Variants in CRISPLD1 observed in about 807,000 individuals in gnomAD.
CRISPLD1 encodes cysteine-rich secretory protein LCCL domain-containing 1.
Under a neutral mutation model 77.5 loss-of-function variants are expected in CRISPLD1, and 60 were observed. The observed-to-expected ratio is 0.77, with a 90% CI of 0.63 to 0.96. The LOEUF is 0.96. CRISPLD1 is among the 40% of genes least tolerant of loss of function. The probability of loss-of-function intolerance (pLI) is 0.00; values close to 1 mark genes in which losing one functional copy is unlikely to be tolerated. For missense variants in CRISPLD1, 623 were observed against 615.8 expected (o/e 1.01, Z -0.12); for synonymous variants, 195 against 200.1 (o/e 0.97, Z 0.22).
intron 2 of CRISPLD1, among the ~76,000 whole-genome samples, chr8:75,003,632 T>G (rs1178940909): frequency 2.0e-5 from 3 of 152,190 alleles, no homozygotes; most frequent in Non-Finnish European, 4.4e-5. Context: ...TGGCCTAATG[T>G]CTATAGATCA....
At chr8:75,000,189 A>G (rs1041330105) in intron 2 of CRISPLD1, 1 of 985,152 alleles carries the variant, frequency 1.0e-6, no homozygotes, top group African/African-American at 1.7e-5. Flanking sequence ...TGCTGCTGGT[A>G]ATAAAACATG....
At chr8:75,020,886 A>G (rs1335601166) in intron 12 of CRISPLD1, among the ~76,000 whole-genome samples, 1 of 152,202 alleles carries the variant, frequency 6.6e-6, no homozygotes, top group African/African-American at 2.4e-5. Flanking sequence ...TTTATATACT[A>G]TAAAATAATG....
At chr8:75,009,745 G>T (rs1241237468) in intron 2 of CRISPLD1, among the ~76,000 whole-genome samples, 1 of 152,056 alleles carries the variant, frequency 6.6e-6, no homozygotes, top group African/African-American at 2.4e-5. Context: ...TTTGAGAGAC[G>T]ATTACTTCTC....
At chr8:75,008,585 G>T (rs1391184778) in intron 2 of CRISPLD1, among the ~76,000 whole-genome samples, 1 of 152,098 alleles carries the variant, frequency 6.6e-6, no homozygotes, top group Non-Finnish European at 1.5e-5. Context: ...TCTGTGAATA[G>T]ATAATTACTT....
intron 13 of CRISPLD1, among the ~76,000 whole-genome samples, chr8:75,029,151 G>A (rs12114948): frequency 3.9e-5 from 6 of 152,124 alleles, no homozygotes; most frequent in African/African-American, 7.2e-5. Context: ...AGATTGGGGA[G>A]GGGTCTTACC....
Position 75,020,045 on chromosome 8 carries a change from T to C in CRISPLD1, c.1210T>C (p.Cys404Arg). ...VTCETTVEQL[C>R]PFHKPASHCP... ...TTGTGAAACAACTGTGGAACAGCTC[T>C]GTCCATTTCATAAGCCTGCTTCACA... The change falls in exon 12 of 15, where the codon TGT (cysteine) becomes CGT (arginine). Residue 404 changes from cysteine to arginine, a missense_variant. Physicochemically the swap from Cys to Arg is radical, Grantham distance 180. Transcript: ENST00000262207. The C allele has an allele frequency of 6.2e-7, 1 of 1,614,156 alleles. No individual in the cohort carries two copies. The highest frequency in any genetic ancestry group is 8.5e-7 in the Non-Finnish European group (1 of 1,179,996).
intron 2 of CRISPLD1, among the ~76,000 whole-genome samples, chr8:75,002,141 A>G (rs915011667): frequency 1.3e-5 from 2 of 152,122 alleles, no homozygotes; most frequent in East Asian, 1.9e-4. Flanking sequence ...TTTGTAATTC[A>G]TGTTGTCTTA....
At chr8:75,027,270 G>A (rs1191133481) in intron 13 of CRISPLD1, among the ~76,000 whole-genome samples, 1 of 152,190 alleles carries the variant, frequency 6.6e-6, no homozygotes, top group East Asian at 1.9e-4. Flanking sequence ...AGGGCTTAGA[G>A]CACATAGCTA....
intron 14 of CRISPLD1, among the ~76,000 whole-genome samples, chr8:75,030,804 ATATGTG>A (rs892707935): frequency 2.7e-5 from 4 of 149,802 alleles, no homozygotes; most frequent in South Asian, 2.1e-4. Flanking sequence ...GTGAGTATGC[ATATGTG>A]TATGTGTATG....
rs954613300 is a variant in CRISPLD1 at position 75,010,961 on chromosome 8, G to T, written c.259-1472G>T. On this transcript the variant is annotated intron_variant, in intron 2 of 14. Coordinates refer to ENST00000262207, the MANE Select transcript of CRISPLD1 (RefSeq NM_031461.6). ...ATACATCACCATTGAAATATGCATG[G>T]AAATACCTAGACACACACTTGTATT... Among the ~76,000 whole-genome samples, 7 of 151,622 alleles carry T rather than the reference G, an allele frequency of 4.6e-5. 1 individual carries two copies. The South Asian group carries it at 6.3e-4, about 14-fold the overall frequency.
At chr8:74,991,078 C>T (rs1812566330) in intron 2 of CRISPLD1, among the ~76,000 whole-genome samples, 1 of 151,988 alleles carries the variant, frequency 6.6e-6, no homozygotes, top group Admixed American at 6.6e-5. Context: ...GTGCAACCTC[C>T]ACCTCCAAAG....
intron 2 of CRISPLD1, among the ~76,000 whole-genome samples, chr8:75,003,478 C>CTAT (rs1812779402): frequency 6.6e-6 from 1 of 152,056 alleles, no homozygotes; most frequent in African/African-American, 2.4e-5. Flanking sequence ...AAAACATAAA[C>CTAT]TAATTCATAA....
At chr8:75,008,822 C>T (rs77995695) in intron 2 of CRISPLD1, among the ~76,000 whole-genome samples, 4,011 of 152,062 alleles carry the variant, frequency 0.026, 63 homozygotes, top group Non-Finnish European at 0.035. Context: ...TCAAAGTGAT[C>T]GGAGTTACCT....
intron 12 of CRISPLD1, among the ~76,000 whole-genome samples, chr8:75,025,119 A>G (rs779824585): frequency 6.6e-6 from 1 of 152,248 alleles, no homozygotes; most frequent in Non-Finnish European, 1.5e-5. Flanking sequence ...AAAGATGATA[A>G]TTAAAACTAT....
Position 75,030,034 on chromosome 8 carries a change from A to G in CRISPLD1, c.1451+517A>G, listed in dbSNP as rs529166653. On this transcript the variant is annotated intron_variant, in intron 14 of 14. Coordinates refer to ENST00000262207, the MANE Select transcript of CRISPLD1 (RefSeq NM_031461.6). ...TATTTAACCCACCCACTAGTGTCATATATTTTGGTGATTTGAGAAAATTCA... is the reference window on the plus strand; with the variant it reads ...TATTTAACCCACCCACTAGTGTCATGTATTTTGGTGATTTGAGAAAATTCA... 3.9e-5 allele frequency among the ~76,000 whole-genome samples: 6 copies of G among 152,290 alleles called. No homozygotes were observed. In the South Asian group the frequency reaches 8.3e-4, roughly 21 times the overall value.
chr8:75,015,776 G>A (rs1038332451), intron 6 of CRISPLD1, among the ~76,000 whole-genome samples: 2 of 151,892 alleles, frequency 1.3e-5, no homozygotes, highest in Admixed American at 6.6e-5. Flanking sequence ...TCCTAGAAGC[G>A]TTTGCAGCAT....
chr8:74,996,643 T>C (rs1319081438), intron 2 of CRISPLD1, among the ~76,000 whole-genome samples: 1 of 151,336 alleles, frequency 6.6e-6, no homozygotes, highest in Non-Finnish European at 1.5e-5. Flanking sequence ...ACTGTGGGAC[T>C]GAATTTTATT....
At chr8:75,026,255 TA>T (rs1244453543) in intron 13 of CRISPLD1, among the ~76,000 whole-genome samples, 2 of 152,102 alleles carry the variant, frequency 1.3e-5, no homozygotes, top group African/African-American at 2.4e-5. Flanking sequence ...GCTCTTTTTC[TA>T]TTGTTGTAGA....
Position 74,989,785 on chromosome 8 carries a change from C to T in CRISPLD1, c.258+3540C>T, listed in dbSNP as rs577347990. 9.9e-5 allele frequency among the ~76,000 whole-genome samples: 15 copies of T among 152,130 alleles called. No homozygotes were observed. In the East Asian group the frequency reaches 1.5e-3, roughly 16 times the overall value. ...TCTATTTTTGTGTTAGTTGCATTTG[C>T]GTTTGAGGTCTTTGTCATAAATTCT... On this transcript the variant is annotated intron_variant, in intron 2 of 14. Coordinates refer to ENST00000262207, the MANE Select transcript of CRISPLD1 (RefSeq NM_031461.6).
Sources: allele counts gnomAD v4.1 joint callset (sites outside exome capture counted in the v4.1 genomes callset), GRCh38; gene constraint gnomAD v4.1.1; transcripts MANE v1.5; gene names NCBI Gene and HGNC (gene_info 2026-07-23, HGNC 2026-07-21).